Variants in MAGI2 observed in about 807,000 individuals in gnomAD.
MAGI2 encodes membrane-associated guanylate kinase, WW and PDZ domain-containing protein 2.
A neutral mutation model predicts 133.3 loss-of-function variants in MAGI2; 35 were observed. The observed-to-expected ratio is 0.26, with a 90% CI of 0.20 to 0.35. MAGI2 has a LOEUF of 0.35. Among genes scored for constraint, MAGI2 ranks in the 10% least tolerant of loss-of-function variants. The probability of loss-of-function intolerance (pLI) is 1.00; values close to 1 mark genes in which losing one functional copy is unlikely to be tolerated. For synonymous variants in MAGI2, 729 were observed against 710.6 expected (o/e 1.03, Z -0.41); for missense variants, 1,636 against 1,863.4 (o/e 0.88, Z 2.25).
At chr7:78,522,627 G>T (rs1796604046) in intron 3 of MAGI2, among the ~76,000 whole-genome samples, 1 of 152,142 alleles carries the variant, frequency 6.6e-6, no homozygotes, top group Non-Finnish European at 1.5e-5. Flanking sequence ...TGATCCGCCT[G>T]CCTCGGCCCC....
At chr7:78,170,616 G>A (rs1486095315) in intron 14 of MAGI2, 1 of 152,054 alleles carries the variant, frequency 6.6e-6, no homozygotes, top group Non-Finnish European at 1.5e-5. Context: ...ATGCCAGAAA[G>A]GATGTACTAT....
At chr7:78,183,580 T>A (rs1486098515) in intron 13 of MAGI2, among the ~76,000 whole-genome samples, 1 of 152,050 alleles carries the variant, frequency 6.6e-6, no homozygotes, top group Non-Finnish European at 1.5e-5. Context: ...GTATTTTTTA[T>A]TAGAGATGAG....
At chr7:79,332,921 G>A (rs199564911) in intron 1 of MAGI2, among the ~76,000 whole-genome samples, 13 of 152,056 alleles carry the variant, frequency 8.5e-5, no homozygotes, top group South Asian at 2.1e-4. Context: ...TGTTTGATGC[G>A]CATAAATATG....
intron 6 of MAGI2, among the ~76,000 whole-genome samples, chr7:78,459,971 C>G (rs1217629052): frequency 6.6e-6 from 1 of 152,198 alleles, no homozygotes; most frequent in Non-Finnish European, 1.5e-5. Context: ...CATGAATGGA[C>G]ATCTGTTGGG....
At chr7:79,411,109 G>T (rs1473678705) in intron 1 of MAGI2, 1 of 152,100 alleles carries the variant, frequency 6.6e-6, no homozygotes, top group Non-Finnish European at 1.5e-5. Flanking sequence ...ACACACTCCA[G>T]CATGAAGTTT....
intron 6 of MAGI2, among the ~76,000 whole-genome samples, chr7:78,472,927 T>G (rs1226366351): frequency 6.6e-6 from 1 of 152,076 alleles, no homozygotes; most frequent in African/African-American, 2.4e-5. Flanking sequence ...GGCGAGGTAG[T>G]ATAGGGGAAA....
intron 1 of MAGI2, among the ~76,000 whole-genome samples, chr7:79,021,304 C>T (rs569349824): frequency 1.3e-5 from 2 of 152,236 alleles, no homozygotes; most frequent in East Asian, 3.9e-4. Context: ...AGAGGACCAC[C>T]ATCCTTCAGA....
In MAGI2 at chr7:78,917,299, A is replaced by G. The variant is rs913463039; in HGVS notation, c.418+89791T>C. Among the ~76,000 whole-genome samples the G allele has an allele frequency of 6.6e-5, 10 of 152,098 alleles. 1 individual carries two copies. The highest frequency in any genetic ancestry group is 2.4e-4 in the African/African-American group (10 of 41,414). On this transcript the variant is annotated intron_variant, in intron 2 of 21. Transcript: ENST00000354212. ...TACTGAATTCAGTCCTGCAGAAGTGAACATGTGGACCTGGTTGTAGGAGGT... is the reference window on the plus strand; with the variant it reads ...TACTGAATTCAGTCCTGCAGAAGTGGACATGTGGACCTGGTTGTAGGAGGT...
chr7:78,748,980 A>C (rs1414667165), intron 2 of MAGI2, among the ~76,000 whole-genome samples: 3 of 152,240 alleles, frequency 2.0e-5, no homozygotes, highest in African/African-American at 4.8e-5. Flanking sequence ...TGGAGTACTA[A>C]GTACTACTAA....
At chr7:78,859,071 T>A (rs568157222) in intron 2 of MAGI2, among the ~76,000 whole-genome samples, 3,916 of 152,260 alleles carry the variant, frequency 0.026, 74 homozygotes, top group Middle Eastern at 0.048. Context: ...CCTGCTTTTT[T>A]TTTTGTTTTC....
At chr7:79,206,040 A>C (rs1003415117) in intron 1 of MAGI2, among the ~76,000 whole-genome samples, 5 of 151,626 alleles carry the variant, frequency 3.3e-5, no homozygotes, top group Admixed American at 1.3e-4. Flanking sequence ...TGAAAATGGA[A>C]ACACAACATA....
intron 16 of MAGI2, among the ~76,000 whole-genome samples, chr7:78,140,780 C>A (rs900087774): frequency 6.6e-6 from 1 of 152,196 alleles, no homozygotes. Flanking sequence ...AGAATAGCAT[C>A]TTCTTAATAA....
intron 1 of MAGI2, among the ~76,000 whole-genome samples, chr7:79,038,324 C>T (rs1044132864): frequency 6.6e-6 from 1 of 152,160 alleles, no homozygotes; most frequent in African/African-American, 2.4e-5. Context: ...TTTTTTCTTT[C>T]TTTTTAATTC....
chr7:79,404,158 G>T (rs1845652043), intron 1 of MAGI2, among the ~76,000 whole-genome samples: 1 of 152,058 alleles, frequency 6.6e-6, no homozygotes, highest in African/African-American at 2.4e-5. Context: ...CAGCAACCAT[G>T]CGTTTCACTC....
intron 2 of MAGI2, among the ~76,000 whole-genome samples, chr7:78,895,513 G>C (rs1309992052): frequency 8.2e-6 from 1 of 122,624 alleles, no homozygotes; most frequent in Non-Finnish European, 1.9e-5. Flanking sequence ...AAATGTTTAT[G>C]TAGAGCTTTA....
intron 2 of MAGI2, among the ~76,000 whole-genome samples, chr7:79,003,353 T>C (rs1473438368): frequency 6.6e-6 from 1 of 152,148 alleles, no homozygotes; most frequent in Non-Finnish European, 1.5e-5. Flanking sequence ...AGTTAGGTCT[T>C]GTTTTGTGAA....
chr7:78,694,953 T>C (rs1230958913), intron 2 of MAGI2, among the ~76,000 whole-genome samples: 2 of 152,118 alleles, frequency 1.3e-5, no homozygotes, highest in African/African-American at 2.4e-5. Flanking sequence ...GGTCCAGGCG[T>C]GGTGGCTCAC....
intron 1 of MAGI2, among the ~76,000 whole-genome samples, chr7:79,356,677 G>A (rs1842038497): frequency 6.6e-6 from 1 of 152,022 alleles, no homozygotes; most frequent in Non-Finnish European, 1.5e-5. Context: ...TATAATACTG[G>A]CATTCATAGA....
At chr7:79,254,558 T>C (rs1475974231) in intron 1 of MAGI2, among the ~76,000 whole-genome samples, 1 of 152,206 alleles carries the variant, frequency 6.6e-6, no homozygotes, top group Admixed American at 6.5e-5. Context: ...AAGAATACAG[T>C]TGTATGCTTC....
Sources: gnomAD v4.1 joint callset for allele counts (sites outside exome capture counted in the v4.1 genomes callset) on GRCh38, gnomAD v4.1.1 for gene constraint, MANE v1.5 for transcripts, NCBI Gene and HGNC (gene_info 2026-07-23, HGNC 2026-07-21) for gene names.